The following IFT27 variants were observed in gnomAD, a reference collection of about 807,000 sequenced individuals.
IFT27 encodes the protein intraflagellar transport protein 27 homolog.
Under a neutral mutation model 23.9 loss-of-function variants are expected in IFT27, and 19 were observed. The ratio of observed to expected loss-of-function variants is 0.79; its 90% CI spans 0.55 to 1.16. IFT27 has a LOEUF of 1.16. Ranked by LOEUF, IFT27 falls within the 50% of genes most tolerant of loss-of-function variation. IFT27 has a pLI of 0.00. For missense variants in IFT27, 206 were observed against 228.7 expected (o/e 0.90, Z 0.64); for synonymous variants, 91 against 89.1 (o/e 1.02, Z -0.12).
At chr22:36,774,824 A>T (rs5750305) in intron 1 of IFT27, among the ~76,000 whole-genome samples, 112,192 of 150,796 alleles carry the variant, frequency 0.74, 42,340 homozygotes, top group Middle Eastern at 0.91. Flanking sequence ...AAAAAAAAAA[A>T]AAAAAGAAAA....
chr22:36,775,687 T>G lies in IFT27; in HGVS notation c.21A>C (p.Lys7Asn). The change falls in exon 1 of 7, where the codon AAA becomes AAC. Residue 7 changes from lysine to asparagine, a missense_variant. Coordinates refer to ENST00000433985, the MANE Select transcript of IFT27 (RefSeq NM_001177701.3). MVKLAAKCILAGDPAVG... is the reference protein window; with the variant it reads MVKLAANCILAGDPAVG... The stretch of plus-strand genomic sequence containing the variant: ...TTTCAGACTCACCTGCCAGGATGCA[T>G]TTGGCTGCCAGCTTCACCATGGTAA... 1 of 1,614,128 alleles carries G rather than the reference T, an allele frequency of 6.2e-7. No individual in the cohort carries two copies. Among genetic ancestry groups the G allele is most frequent in the Non-Finnish European group, 8.5e-7 (1 of 1,180,032 alleles).
At chr22:36,763,566 C>A (rs1048759945) in intron 5 of IFT27, 7 of 396,228 alleles carry the variant, frequency 1.8e-5, no homozygotes, top group African/African-American at 1.2e-4. Flanking sequence ...GAAGTGACAA[C>A]AGGCTTGAAT....
At chr22:36,772,527 C>T (rs897062355) in intron 1 of IFT27, 3 of 985,280 alleles carry the variant, frequency 3.0e-6, no homozygotes, top group Non-Finnish European at 3.6e-6. Flanking sequence ...CTTTCTTCTC[C>T]AGAACCAGAA....
intron 6 of IFT27, 198 bp downstream of exon 6, chr22:36,762,706 G>A (rs1938123123): frequency 2.4e-6 from 1 of 412,976 alleles, no homozygotes. Flanking sequence ...GGGTTGGCTG[G>A]CTGATCTGCT....
chr22:36,764,015 A>G lies in IFT27; in HGVS notation c.256T>C (p.Cys86Arg). 6.2e-7 allele frequency: 1 copy of G among 1,613,870 alleles called. No homozygotes were observed. The highest frequency in any genetic ancestry group is 8.5e-7 in the Non-Finnish European group (1 of 1,179,670). Residue 86 changes from cysteine (C) to arginine (R), a missense_variant, in exon 5 of 7, where the codon TGT becomes CGT. Coordinates refer to ENST00000433985, the MANE Select transcript of IFT27 (RefSeq NM_001177701.3). ...DKLWESPNVL[C>R]LVYDVTNEES... ...TCATTGGTCACATCATAGACGAGAC[A>G]TAAGACATTGGGACTCTCCCACTGT...
chr22:36,772,673 C>T, intron 1 of IFT27: 1 of 985,234 alleles, frequency 1.0e-6, no homozygotes, highest in Non-Finnish European at 1.2e-6. Flanking sequence ...CTTGCAGGCC[C>T]ACTGCACCTT....
Position 36,774,529 on chromosome 22 carries a change from C to T in IFT27, c.34+1145G>A, listed in dbSNP as rs563113549. 2.0e-5 allele frequency among the ~76,000 whole-genome samples: 3 copies of T among 152,244 alleles called. No homozygotes were observed. The East Asian group carries it at 5.8e-4, about 29-fold the overall frequency. On this transcript the variant is annotated intron_variant, in intron 1 of 6. Coordinates refer to ENST00000433985, the MANE Select transcript of IFT27 (RefSeq NM_001177701.3). The stretch of plus-strand genomic sequence containing the variant: ...AGATCAGAACAATCCAGTACCTGGC[C>T]GGGCGCAGTGGCTCATGCCTGTAAT...
chr22:36,763,605 A>G, intron 5 of IFT27: 1 of 457,176 alleles, frequency 2.2e-6, no homozygotes, highest in Non-Finnish European at 4.1e-6. Context: ...TACAAGAGAA[A>G]ATTAGGAACT....
intron 4 of IFT27, 105 bp from the exon 5 acceptor site, chr22:36,764,141 G>A (rs1452286444): frequency 2.6e-6 from 2 of 763,488 alleles, no homozygotes; most frequent in Non-Finnish European, 2.3e-6. Context: ...GGAGCAGAGG[G>A]AAACAAGAAA....
intron 1 of IFT27, chr22:36,768,118 G>T (rs1225549695): frequency 6.5e-6 from 4 of 610,870 alleles, no homozygotes; most frequent in Non-Finnish European, 6.3e-6. Context: ...GAAGGTAACA[G>T]AACTTACAGA....
chr22:36,775,540 G>A (rs1182524584), intron 1 of IFT27, 134 bp downstream of exon 1: 1 of 883,998 alleles, frequency 1.1e-6, no homozygotes, highest in East Asian at 2.5e-5. Flanking sequence ...TACTGTATCA[G>A]TAATTGCAGT....
At chr22:36,774,730 T>C (rs1295513318) in intron 1 of IFT27, among the ~76,000 whole-genome samples, 8 of 151,922 alleles carry the variant, frequency 5.3e-5, no homozygotes, top group Middle Eastern at 3.4e-3. Flanking sequence ...GGGAATTGCT[T>C]GAACCAGGGA....
At chr22:36,763,078 G>T in intron 5 of IFT27, 65 bp from the exon 6 acceptor site, 1 of 1,194,612 alleles carries the variant, frequency 8.4e-7, no homozygotes, top group African/African-American at 1.5e-5. Flanking sequence ...CAGCGGGCGA[G>T]ATGAGAGCAC....
intron 1 of IFT27, chr22:36,772,398 C>T (rs1938403282): frequency 3.2e-6 from 2 of 623,874 alleles, no homozygotes; most frequent in Admixed American, 1.3e-4. Context: ...AGCACCTACC[C>T]CACAGAATTG....
chr22:36,765,282 A>G (rs1487710649), intron 4 of IFT27, among the ~76,000 whole-genome samples: 1 of 152,134 alleles, frequency 6.6e-6, no homozygotes, highest in East Asian at 1.9e-4. Flanking sequence ...AGAGCGGGTG[A>G]ACCAGGAGTC....
chr22:36,768,873 C>T (rs574759362), intron 1 of IFT27, among the ~76,000 whole-genome samples: 2 of 152,328 alleles, frequency 1.3e-5, no homozygotes, highest in Admixed American at 1.3e-4. Context: ...TGCTTCTCAT[C>T]CTCTGGATCC....
chr22:36,773,727 C>T, intron 1 of IFT27, among the ~76,000 whole-genome samples: 1 of 152,000 alleles, frequency 6.6e-6, no homozygotes, highest in East Asian at 1.9e-4. Flanking sequence ...GGGCTAAAGC[C>T]CTGGAAATCA....
At chr22:36,773,027 G>C (rs760321266) in intron 1 of IFT27, among the ~76,000 whole-genome samples, 12 of 152,194 alleles carry the variant, frequency 7.9e-5, no homozygotes, top group East Asian at 3.9e-4. Flanking sequence ...CTGCACTCAG[G>C]TGAAAGAACT....
intron 6 of IFT27, chr22:36,759,456 G>A (rs962496785): frequency 6.6e-6 from 1 of 152,112 alleles, no homozygotes; most frequent in Non-Finnish European, 1.5e-5. Context: ...TCTAAGCGGT[G>A]GAAAAAACGG....
Sources: allele counts gnomAD v4.1 joint callset (sites outside exome capture counted in the v4.1 genomes callset), GRCh38; gene constraint gnomAD v4.1.1; transcripts MANE v1.5; gene names NCBI Gene and HGNC (gene_info 2026-07-23, HGNC 2026-07-21).